The following CFTR variants were observed in gnomAD, a reference collection of about 807,000 sequenced individuals.
CFTR encodes CF transmembrane conductance regulator.
Under a neutral mutation model 171.6 loss-of-function variants are expected in CFTR, and 181 were observed. The ratio of observed to expected loss-of-function variants is 1.05; its 90% CI spans 0.93 to 1.19. The LOEUF is 1.19. Ranked by LOEUF, CFTR falls within the 50% of genes most tolerant of loss-of-function variation. The pLI, the probability that CFTR is intolerant of heterozygous loss-of-function variation, is 0.00. For missense variants in CFTR, 1,968 were observed against 1,734.7 expected, an observed-to-expected ratio of 1.13 and a Z score of -2.39; for synonymous variants, 583 against 608.0, an observed-to-expected ratio of 0.96 and a Z score of 0.60.
chr7:117,649,211 T>C (rs987040792), intron 23 of CFTR, among the ~76,000 whole-genome samples: 8 of 151,552 alleles, frequency 5.3e-5, no homozygotes, highest in African/African-American at 1.9e-4. Context: ...GGGTTGTTAG[T>C]ATTATTTCTT....
intron 21 of CFTR, among the ~76,000 whole-genome samples, chr7:117,623,676 C>T (rs1255275489): frequency 6.6e-6 from 1 of 152,180 alleles, no homozygotes; most frequent in Non-Finnish European, 1.5e-5. Flanking sequence ...GCCTGGACTA[C>T]TTGCTAATGT....
chr7:117,610,683 T>C lies in CFTR; in HGVS notation c.3139+14T>C. ...TGGAATCTGAAGGTATGACAGTGAA[T>C]GTGCGATACTCATCTTGTAAAAAAG... On this transcript the variant is annotated intron_variant, in intron 19 of 26. Coordinates refer to ENST00000003084, the MANE Select transcript of CFTR (RefSeq NM_000492.4). 1 of 1,612,912 alleles carries C rather than the reference T, an allele frequency of 6.2e-7. No homozygotes were observed. The highest frequency in any genetic ancestry group is 1.3e-5 in the African/African-American group (1 of 75,016).
chr7:117,550,407 C>T (rs771381726), intron 10 of CFTR, among the ~76,000 whole-genome samples: 13 of 151,910 alleles, frequency 8.6e-5, no homozygotes, highest in South Asian at 4.2e-4. Flanking sequence ...TTCCTACATA[C>T]GAAACAGCTT....
At chr7:117,556,771 G>A (rs1316436316) in intron 10 of CFTR, among the ~76,000 whole-genome samples, 1 of 150,784 alleles carries the variant, frequency 6.6e-6, no homozygotes, top group Non-Finnish European at 1.5e-5. Flanking sequence ...CGCCCGCCTC[G>A]GCCTCCCAAA....
chr7:117,560,317 G>C (rs1021594956), intron 11 of CFTR, among the ~76,000 whole-genome samples: 6 of 152,060 alleles, frequency 3.9e-5, no homozygotes, highest in Non-Finnish European at 8.8e-5. Context: ...ATCTTGTGCT[G>C]TTCACTATGT....
intron 1 of CFTR, among the ~76,000 whole-genome samples, chr7:117,481,485 G>A (rs1050467229): frequency 6.6e-6 from 1 of 152,096 alleles, no homozygotes; most frequent in African/African-American, 2.4e-5. Context: ...CTTTAAAATA[G>A]CTTACTATTG....
chr7:117,499,399 C>A (rs1435241396), intron 1 of CFTR, among the ~76,000 whole-genome samples: 1 of 146,062 alleles, frequency 6.8e-6, no homozygotes, highest in African/African-American at 2.6e-5. Flanking sequence ...GAATTTTTGT[C>A]CTAAGAAATG....
chr7:117,625,657 C>A (rs1458021481), intron 21 of CFTR, among the ~76,000 whole-genome samples: 2 of 152,136 alleles, frequency 1.3e-5, no homozygotes, highest in Non-Finnish European at 2.9e-5. Flanking sequence ...CAAGTCTCAA[C>A]TTTATACAGT....
In CFTR at chr7:117,534,171, TTAA is replaced by T; in HGVS notation, c.490-100_490-98del. On this transcript the variant is annotated intron_variant, in intron 4 of 26. Coordinates refer to ENST00000003084, the MANE Select transcript of CFTR (RefSeq NM_000492.4). The stretch of plus-strand genomic sequence containing the variant: ...AGAATATAATTTTCATTACCTTTAC[TTAA>T]TAATGAATGCATAATAACTGAATTA... 4 of 661,020 alleles carry T rather than the reference TTAA, an allele frequency of 6.1e-6. No individual in the cohort carries two copies. In the East Asian group the frequency reaches 1.1e-4, roughly 18 times the overall value. 40.9% of individuals were successfully genotyped at this position (661,020 alleles called of 1,614,324 possible).
chr7:117,548,079 T>A (rs1400665997), intron 9 of CFTR, among the ~76,000 whole-genome samples: 1 of 152,192 alleles, frequency 6.6e-6, no homozygotes, highest in South Asian at 2.1e-4. Context: ...ATTTGAATTA[T>A]CTGGCAATCT....
chr7:117,568,560 T>C (rs1434262350), intron 11 of CFTR, among the ~76,000 whole-genome samples: 1 of 152,182 alleles, frequency 6.6e-6, no homozygotes, highest in Non-Finnish European at 1.5e-5. Flanking sequence ...ATGATGCCAA[T>C]TTTTAAAAAT....
At position 117,573,263 on chromosome 7, in the gene CFTR, G is replaced by A. The variant is rs543736009; in HGVS notation, c.1584+13608G>A. 3.9e-5 allele frequency among the ~76,000 whole-genome samples: 6 copies of A among 152,216 alleles called. No individual in the cohort carries two copies. The East Asian group carries it at 1.2e-3, about 29-fold the overall frequency. ...GTGCATATATCACATTGGATATGTT[G>A]TTATGCACTCCTTAATAATAAAGTA... On this transcript the variant is annotated intron_variant, in intron 11 of 26. Coordinates refer to ENST00000003084, the MANE Select transcript of CFTR (RefSeq NM_000492.4).
chr7:117,503,529 A>G (rs1225547108), intron 1 of CFTR, among the ~76,000 whole-genome samples: 2 of 152,162 alleles, frequency 1.3e-5, no homozygotes, highest in African/African-American at 2.4e-5. Flanking sequence ...GTTAGAAACA[A>G]TATTTTTGAA....
intron 24 of CFTR, among the ~76,000 whole-genome samples, chr7:117,662,125 G>C (rs959808869): frequency 6.6e-6 from 1 of 152,000 alleles, no homozygotes; most frequent in Non-Finnish European, 1.5e-5. Flanking sequence ...CACATGCAAA[G>C]TGATATGTCT....
At chr7:117,504,394 G>A in intron 2 of CFTR, 31 bp downstream of exon 2, 1 of 1,022,726 alleles carries the variant, frequency 9.8e-7, no homozygotes, top group Non-Finnish European at 1.6e-6. Flanking sequence ...TAGTTGAAGA[G>A]AGAAATTCAT....
In CFTR at chr7:117,603,647, A is replaced by G. The variant is rs1423162478; in HGVS notation, c.2773A>G (p.Thr925Ala). Residue 925 changes from threonine to alanine, a missense_variant, in exon 17 of 27, where the codon ACT becomes GCT. Coordinates refer to ENST00000003084, the MANE Select transcript of CFTR (RefSeq NM_000492.4). Reference sequence around the variant, plus strand: ...TTACATTTACGTGGGAGTAGCCGACACTTTGCTTGCTATGGGATTCTTCAG... The same window carrying G: ...TTACATTTACGTGGGAGTAGCCGACGCTTTGCTTGCTATGGGATTCTTCAG... The part of the protein sequence containing the change: ...VFYIYVGVAD[T>A]LLAMGFFRGL... 6 of 1,614,122 alleles carry G rather than the reference A, an allele frequency of 3.7e-6. No homozygotes were observed. Among genetic ancestry groups the G allele is most frequent in the Non-Finnish European group, 5.1e-6 (6 of 1,179,964 alleles).
At chr7:117,564,119 A>T (rs1584800479) in intron 11 of CFTR, among the ~76,000 whole-genome samples, 1 of 152,212 alleles carries the variant, frequency 6.6e-6, no homozygotes, top group East Asian at 1.9e-4. Context: ...TCCACGTAGC[A>T]CATTGAGAGA....
At chr7:117,526,217 G>A (rs1158045116) in intron 3 of CFTR, among the ~76,000 whole-genome samples, 2 of 151,064 alleles carry the variant, frequency 1.3e-5, no homozygotes, top group African/African-American at 2.4e-5. Context: ...CTCACTCAAA[G>A]CCGCTCAACT....
chr7:117,542,525 C>A (rs1799073376), intron 9 of CFTR, among the ~76,000 whole-genome samples: 1 of 149,716 alleles, frequency 6.7e-6, no homozygotes, highest in African/African-American at 2.5e-5. Flanking sequence ...CCAGCCTGGG[C>A]AACAAGGCGA....
Sources: allele counts gnomAD v4.1 joint callset (sites outside exome capture counted in the v4.1 genomes callset), GRCh38; gene constraint gnomAD v4.1.1; transcripts MANE v1.5; gene names NCBI Gene and HGNC (gene_info 2026-07-23, HGNC 2026-07-21).